CRELD1: variants seen among roughly 807,000 people sequenced by gnomAD.
CRELD1 encodes protein disulfide isomerase CRELD1.
CRELD1 carries 42 observed loss-of-function variants against 58.2 expected under a neutral mutation model. The ratio of observed to expected loss-of-function variants is 0.72; its 90% confidence interval spans 0.56 to 0.93. The LOEUF (loss-of-function observed/expected upper bound fraction) is 0.93, where lower values mean the gene tolerates loss of function less well. CRELD1 is among the 40% of genes least tolerant of loss of function. CRELD1 has a pLI of 0.00. For synonymous variants in CRELD1, 222 were observed against 202.0 expected, an observed-to-expected ratio of 1.10 and a Z score of -0.84; for missense variants, 500 against 540.6, an observed-to-expected ratio of 0.92 and a Z score of 0.74.
At position 9,944,526 on chromosome 3, in the gene CRELD1, T is replaced by C; in HGVS notation, c.1210T>C (p.Trp404Arg). The C allele has an allele frequency of 6.2e-7, 1 of 1,612,182 alleles. No individual in the cohort carries two copies. The highest frequency in any genetic ancestry group is 8.5e-7 in the Non-Finnish European group (1 of 1,180,004). ...IGAVAAMTGY[W>R]LSERSDRVLE... The stretch of plus-strand genomic sequence containing the variant: ...GGCTGTGGCGGCCATGACTGGCTAC[T>C]GGTTGTCAGAGCGCAGTGACCGTGT... Residue 404 changes from tryptophan (W) to arginine (R), a missense_variant, in exon 11 of 11, where the codon TGG (tryptophan) becomes CGG (arginine). Trp to Arg is a moderately radical substitution (Grantham distance 101). Coordinates refer to ENST00000452070, the MANE Select transcript of CRELD1 (RefSeq NM_001077415.3).
chr3:9,940,008 A>ACT (rs1406867829), intron 5 of CRELD1, among the ~76,000 whole-genome samples: 1 of 149,474 alleles, frequency 6.7e-6, no homozygotes, highest in Non-Finnish European at 1.5e-5. Context: ...CCCGGCGGAG[A>ACT]CACTTCTCAC....
chr3:9,938,315 T>C (rs552262407), intron 5 of CRELD1: 3 of 589,112 alleles, frequency 5.1e-6, no homozygotes, highest in Admixed American at 2.8e-5. Context: ...CTGAGTCATA[T>C]GCAGTATAGT....
rs763283165 is a variant in CRELD1 at position 9,937,599 on chromosome 3, A to C, written c.295A>C (p.Ser99Arg). 2.5e-6 allele frequency: 4 copies of C among 1,612,600 alleles called. No individual in the cohort carries two copies. The highest frequency in any genetic ancestry group is 1.7e-4 in the Middle Eastern group (1 of 5,888). ...RLVEVLEGVC[S>R]KSDFECHRLL... is the part of the protein sequence containing the mutation. ...GGTAGAGGTGCTGGAGGGTGTGTGC[A>C]GCAAGTCAGACTTCGAGTGCCACCG... Residue 99 changes from serine (S) to arginine (R), a missense_variant, in exon 4 of 11, where the codon AGC becomes CGC. Transcript: ENST00000452070.
At chr3:9,934,962 A>G (rs1254305926) in intron 3 of CRELD1, 45 bp downstream of exon 3, 1 of 1,500,618 alleles carries the variant, frequency 6.7e-7, no homozygotes, top group Non-Finnish European at 9.1e-7. Context: ...CCTCCCCGCC[A>G]AATCTCTGCT....
In CRELD1 at chr3:9,944,558, G is replaced by C. The variant is rs1361698412; in HGVS notation, c.1242G>C (p.Glu414Asp). 6.2e-7 allele frequency: 1 copy of C among 1,608,968 alleles called. No homozygotes were observed. Among genetic ancestry groups the C allele is most frequent in the Admixed American group, 1.7e-5 (1 of 59,938 alleles). Residue 414 changes from glutamate (E) to aspartate (D), a missense_variant, in exon 11 of 11, where the codon GAG (glutamate) becomes GAC (aspartate). By Grantham distance (45) the Glu-to-Asp change is conservative. Coordinates refer to ENST00000452070, the MANE Select transcript of CRELD1 (RefSeq NM_001077415.3). ...CAGAGCGCAGTGACCGTGTGCTGGA[G>C]GGCTTCATCAAGGGCAGATAATCGC... ...WLSERSDRVL[E>D]GFIKGR is the part of the protein sequence containing the mutation.
rs2085350000 is a variant in CRELD1 at position 9,940,962 on chromosome 3, C to G, written c.573C>G (p.Ala191=). ...GCCAAGCCGGCTACGGGGGTGAGGC[C>G]TGTGGCCAGTGTGGCCTTGGCTACT... ...CDCQAGYGGE[A]CGQCGLGYFE... Residue 191 remains alanine (A), a synonymous_variant, in exon 6 of 11, where the codon GCC becomes GCG. Transcript: ENST00000452070. 1 of 1,614,158 alleles carries G rather than the reference C, an allele frequency of 6.2e-7. No homozygotes were observed. Among genetic ancestry groups the G allele is most frequent in the African/African-American group, 1.3e-5 (1 of 75,044 alleles).
intron 7 of CRELD1, 170 bp from the exon 8 acceptor site, chr3:9,942,643 G>A: frequency 1.5e-6 from 1 of 663,242 alleles, no homozygotes; most frequent in Non-Finnish European, 2.8e-6. Flanking sequence ...GGCAAATGTG[G>A]TCTCTGGCTG....
At chr3:9,940,743 G>T in intron 5 of CRELD1, 107 bp from the exon 6 acceptor site, 1 of 720,716 alleles carries the variant, frequency 1.4e-6, no homozygotes, top group South Asian at 1.6e-5. Context: ...GGAGGGGAGG[G>T]GGGGAGGGAG....
In CRELD1 at chr3:9,940,983, C is replaced by A. The variant is rs773823145; in HGVS notation, c.594C>A (p.Gly198=). Residue 198 remains glycine (G), a synonymous_variant, in exon 6 of 11, where the codon GGC becomes GGA. Coordinates refer to ENST00000452070, the MANE Select transcript of CRELD1 (RefSeq NM_001077415.3). ...GGEACGQCGL[G]YFEAERNASH... ...AGGCCTGTGGCCAGTGTGGCCTTGG[C>A]TACTTTGAGGCAGAACGCAACGCCA... 2.4e-5 allele frequency: 38 copies of A among 1,614,104 alleles called. No individual in the cohort carries two copies. The East Asian group carries it at 8.2e-4, about 35-fold the overall frequency.
At chr3:9,941,273 A>C in intron 7 of CRELD1, 67 bp downstream of exon 7, 1 of 1,409,082 alleles carries the variant, frequency 7.1e-7, no homozygotes, top group Non-Finnish European at 9.9e-7. Context: ...TTATTCTCTC[A>C]ACACAAGCCT....
chr3:9,938,740 G>A (rs756301777), intron 5 of CRELD1, among the ~76,000 whole-genome samples: 3 of 151,944 alleles, frequency 2.0e-5, no homozygotes, highest in Non-Finnish European at 4.4e-5. Flanking sequence ...GGCGCCTCTA[G>A]TCCCAGCTAC....
chr3:9,943,411 C>G lies in CRELD1; in HGVS notation c.944C>G (p.Pro315Arg), dbSNP rs749915183. The G allele has an allele frequency of 2.5e-6, 4 of 1,613,692 alleles. No individual in the cohort carries two copies. The highest frequency in any genetic ancestry group is 8.5e-7 in the Non-Finnish European group (1 of 1,179,972). Residue 315 changes from proline to arginine, a missense_variant, in exon 10 of 11, where the codon CCG becomes CGG. Pro to Arg is a moderately radical substitution (Grantham distance 103). Coordinates refer to ENST00000452070, the MANE Select transcript of CRELD1 (RefSeq NM_001077415.3). ...GATGAGTGTGAGACAGAGGTGTGTCCGGGAGAGAACAAGCAGTGTGAAAAC... is the reference window on the plus strand; with the variant it reads ...GATGAGTGTGAGACAGAGGTGTGTCGGGGAGAGAACAAGCAGTGTGAAAAC... ...DVDECETEVCPGENKQCENTE... is the reference protein window; with the variant it reads ...DVDECETEVCRGENKQCENTE...
chr3:9,943,873 A>T (rs2085441856), intron 10 of CRELD1: 1 of 1,613,434 alleles, frequency 6.2e-7, no homozygotes, highest in Non-Finnish European at 8.5e-7. Flanking sequence ...CCATTTCCCC[A>T]GCAATTACTG....
intron 9 of CRELD1, 29 bp from the exon 10 acceptor site, chr3:9,943,352 C>G: frequency 6.2e-7 from 1 of 1,613,712 alleles, no homozygotes; most frequent in Non-Finnish European, 8.5e-7. Flanking sequence ...GGGGCCCTAG[C>G]AGGACTCTGA....
intron 7 of CRELD1, 90 bp downstream of exon 7, chr3:9,941,296 C>A: frequency 8.7e-7 from 1 of 1,147,820 alleles, no homozygotes; most frequent in Non-Finnish European, 1.2e-6. Context: ...GCTAGACTAG[C>A]CTAGTCTCCA....
chr3:9,940,242 C>T (rs1048277038), intron 5 of CRELD1, among the ~76,000 whole-genome samples: 10 of 151,886 alleles, frequency 6.6e-5, no homozygotes, highest in Non-Finnish European at 1.3e-4. Context: ...CAGGCAGAGA[C>T]GCTCCTCACT....
chr3:9,940,474 C>T (rs1022376544), intron 5 of CRELD1, among the ~76,000 whole-genome samples: 5 of 151,996 alleles, frequency 3.3e-5, no homozygotes, highest in African/African-American at 1.2e-4. Context: ...GAGACCGGCC[C>T]GGCCAACACA....
intron 5 of CRELD1, among the ~76,000 whole-genome samples, chr3:9,939,213 C>T (rs1301063112): frequency 6.6e-6 from 1 of 151,778 alleles, no homozygotes; most frequent in African/African-American, 2.4e-5. Flanking sequence ...AATTGTTCCA[C>T]AAGAGGAAAT....
intron 5 of CRELD1, among the ~76,000 whole-genome samples, chr3:9,939,317 T>C (rs892099128): frequency 5.3e-5 from 8 of 152,090 alleles, no homozygotes; most frequent in Admixed American, 5.2e-4. Flanking sequence ...GAGCAGAAAA[T>C]ATTATCTTGT....
Sources: gnomAD v4.1 joint callset for allele counts (sites outside exome capture counted in the v4.1 genomes callset) on GRCh38, gnomAD v4.1.1 for gene constraint, MANE v1.5 for transcripts, NCBI Gene and HGNC (gene_info 2026-07-23, HGNC 2026-07-21) for gene names.